Variants in SYNDIG1 observed in about 807,000 individuals in gnomAD.
SYNDIG1 encodes synapse differentiation-inducing gene protein 1.
Under a neutral mutation model 19.4 loss-of-function variants are expected in SYNDIG1, and 9 were observed. The ratio of observed to expected loss-of-function variants is 0.46; its 90% confidence interval spans 0.28 to 0.81. The LOEUF is 0.81. Ranked by LOEUF, SYNDIG1 falls within the 30% of genes least tolerant of loss-of-function variation. The probability of loss-of-function intolerance (pLI) is 0.12; values close to 1 mark genes in which losing one functional copy is unlikely to be tolerated. For missense variants in SYNDIG1, 311 were observed against 343.3 expected, an observed-to-expected ratio of 0.91 and a Z score of 0.74; for synonymous variants, 141 against 145.9, an observed-to-expected ratio of 0.97 and a Z score of 0.24.
At chr20:24,513,271 T>C (rs1001017721) in intron 1 of SYNDIG1, among the ~76,000 whole-genome samples, 1 of 152,230 alleles carries the variant, frequency 6.6e-6, no homozygotes, top group Non-Finnish European at 1.5e-5. Flanking sequence ...AAAAGCTGGA[T>C]GGAGAATGAC....
At chr20:24,566,647 C>T (rs1219595215) in intron 2 of SYNDIG1, among the ~76,000 whole-genome samples, 1 of 152,122 alleles carries the variant, frequency 6.6e-6, no homozygotes, top group Non-Finnish European at 1.5e-5. Flanking sequence ...CCATGGAATC[C>T]TCATCTCATG....
chr20:24,620,669 A>G (rs922249470), intron 3 of SYNDIG1, among the ~76,000 whole-genome samples: 18 of 152,240 alleles, frequency 1.2e-4, no homozygotes, highest in African/African-American at 4.3e-4. Flanking sequence ...AGGCTCTGGA[A>G]GATTATAAGG....
chr20:24,525,643 G>A (rs991467524), intron 1 of SYNDIG1, among the ~76,000 whole-genome samples: 4 of 151,948 alleles, frequency 2.6e-5, no homozygotes, highest in African/African-American at 9.7e-5. Flanking sequence ...GAAGAATGGA[G>A]AGAGAGTGAG....
intron 3 of SYNDIG1, among the ~76,000 whole-genome samples, chr20:24,661,328 G>GAGAGGGGGAGGAA (rs1174819912): frequency 7.3e-6 from 1 of 136,380 alleles, no homozygotes; most frequent in Non-Finnish European, 1.6e-5. Flanking sequence ...AGGGAGGGAA[G>GAGAGGGGGAGGAA]AGAGGGGGAG....
chr20:24,526,391 C>T (rs2057124073), intron 1 of SYNDIG1, among the ~76,000 whole-genome samples: 2 of 151,990 alleles, frequency 1.3e-5, no homozygotes, highest in African/African-American at 4.8e-5. Flanking sequence ...AGAAATGTTT[C>T]CATTCATTTG....
chr20:24,654,679 AG>A (rs2059507019), intron 3 of SYNDIG1, among the ~76,000 whole-genome samples: 1 of 151,198 alleles, frequency 6.6e-6, no homozygotes, highest in Admixed American at 6.6e-5. Context: ...GAAGGAAGGA[AG>A]GAAGGAAGGA....
chr20:24,549,270 A>G (rs1045605044), intron 2 of SYNDIG1, among the ~76,000 whole-genome samples: 4 of 152,104 alleles, frequency 2.6e-5, no homozygotes, highest in Middle Eastern at 3.2e-3. Flanking sequence ...TTTTACTTCT[A>G]TAAAATTAAC....
At chr20:24,644,397 A>G (rs762190695) in intron 3 of SYNDIG1, among the ~76,000 whole-genome samples, 2 of 152,248 alleles carry the variant, frequency 1.3e-5, no homozygotes, top group Non-Finnish European at 2.9e-5. Flanking sequence ...ATTAAGGCAT[A>G]TAATTTCATT....
chr20:24,574,908 G>A (rs2058203159), intron 2 of SYNDIG1, among the ~76,000 whole-genome samples: 1 of 152,218 alleles, frequency 6.6e-6, no homozygotes, highest in Admixed American at 6.5e-5. Context: ...ACTTCTCAGA[G>A]GAGAAATACA....
chr20:24,609,115 G>GA, intron 3 of SYNDIG1, among the ~76,000 whole-genome samples: 1 of 152,284 alleles, frequency 6.6e-6, no homozygotes, highest in Non-Finnish European at 1.5e-5. Flanking sequence ...TTCTGCTGTA[G>GA]AAAAATGTCA....
chr20:24,486,655 T>A (rs1239716896), intron 1 of SYNDIG1, among the ~76,000 whole-genome samples: 1 of 150,278 alleles, frequency 6.7e-6, no homozygotes, highest in Non-Finnish European at 1.5e-5. Flanking sequence ...TATTTATTTA[T>A]TTAATTTTTT....
chr20:24,614,589 GA>G (rs1185687339), intron 3 of SYNDIG1, among the ~76,000 whole-genome samples: 2 of 124,822 alleles, frequency 1.6e-5, no homozygotes, highest in African/African-American at 3.0e-5. Context: ...TAGAAACTGA[GA>G]CTAGGAAAAT....
intron 3 of SYNDIG1, among the ~76,000 whole-genome samples, chr20:24,643,268 A>AT (rs893207890): frequency 1.1e-4 from 17 of 152,220 alleles, no homozygotes; most frequent in Non-Finnish European, 1.8e-4. Flanking sequence ...CATTTCCAGT[A>AT]TAAGTGTATA....
intron 3 of SYNDIG1, among the ~76,000 whole-genome samples, chr20:24,585,639 A>G (rs2058405211): frequency 6.6e-6 from 1 of 152,192 alleles, no homozygotes; most frequent in African/African-American, 2.4e-5. Flanking sequence ...AAATATTTGG[A>G]AGGAATTTTC....
intron 1 of SYNDIG1, among the ~76,000 whole-genome samples, chr20:24,504,487 C>G (rs1182139745): frequency 1.3e-5 from 2 of 152,222 alleles, no homozygotes; most frequent in Non-Finnish European, 2.9e-5. Context: ...CCCGACTGAG[C>G]TCCCTTGGCC....
chr20:24,526,783 C>T (rs2057133853), intron 1 of SYNDIG1, among the ~76,000 whole-genome samples: 2 of 152,096 alleles, frequency 1.3e-5, no homozygotes, highest in Admixed American at 1.3e-4. Context: ...GGATTTTTCA[C>T]TTGGCTCTTG....
intron 1 of SYNDIG1, among the ~76,000 whole-genome samples, chr20:24,473,662 C>G (rs1418868054): frequency 6.6e-6 from 1 of 152,122 alleles, no homozygotes; most frequent in South Asian, 2.1e-4. Flanking sequence ...TGTCTCCAGG[C>G]TACTCCCTCT....
At chr20:24,480,714 G>A (rs940902473) in intron 1 of SYNDIG1, among the ~76,000 whole-genome samples, 1 of 152,162 alleles carries the variant, frequency 6.6e-6, no homozygotes, top group African/African-American at 2.4e-5. Context: ...GCTAAAACGT[G>A]GAAGCAAGCC....
intron 1 of SYNDIG1, among the ~76,000 whole-genome samples, chr20:24,500,254 T>C (rs2056406262): frequency 6.6e-6 from 1 of 152,194 alleles, no homozygotes; most frequent in South Asian, 2.1e-4. Flanking sequence ...CCTATGTTTC[T>C]TTAAAAGTGA....
Sources: gnomAD v4.1 joint callset for allele counts (sites outside exome capture counted in the v4.1 genomes callset) on GRCh38, gnomAD v4.1.1 for gene constraint, MANE v1.5 for transcripts, NCBI Gene and HGNC (gene_info 2026-07-23, HGNC 2026-07-21) for gene names.